SND1: variants seen among roughly 807,000 people sequenced by gnomAD.
SND1 encodes the protein staphylococcal nuclease and tudor domain containing 1, also known as staphylococcal nuclease domain-containing protein 1.
Under a neutral mutation model 121.7 loss-of-function variants are expected in SND1, and 38 were observed. The ratio of observed to expected loss-of-function variants is 0.31; its 90% CI spans 0.24 to 0.41. The LOEUF (loss-of-function observed/expected upper bound fraction) is 0.41, where lower values mean the gene tolerates loss of function less well. SND1 is among the 10% of genes least tolerant of loss of function. The pLI is 1.00. For synonymous variants in SND1, 401 were observed against 447.4 expected (o/e 0.90, Z 1.31); for missense variants, 868 against 1,184.6 (o/e 0.73, Z 3.92).
chr7:127,732,289 G>GT (rs1433923826), intron 10 of SND1, among the ~76,000 whole-genome samples: 2 of 152,234 alleles, frequency 1.3e-5, no homozygotes, highest in African/African-American at 4.8e-5. Context: ...ATGCCACACT[G>GT]TGGTTCCTTC....
At chr7:127,727,545 A>G (rs1306623777) in intron 10 of SND1, among the ~76,000 whole-genome samples, 2 of 152,174 alleles carry the variant, frequency 1.3e-5, no homozygotes, top group Non-Finnish European at 2.9e-5. Context: ...GGAGCAGGCC[A>G]GTAAACCCAC....
At chr7:128,042,052 G>GC (rs1229042008) in intron 16 of SND1, among the ~76,000 whole-genome samples, 1 of 152,128 alleles carries the variant, frequency 6.6e-6, no homozygotes, top group African/African-American at 2.4e-5. Flanking sequence ...CTAGACACTG[G>GC]CAGCCTGGCT....
At chr7:127,729,439 C>CTTT (rs10712716) in intron 10 of SND1, among the ~76,000 whole-genome samples, 12 of 97,348 alleles carry the variant, frequency 1.2e-4, no homozygotes, top group African/African-American at 3.8e-4. Flanking sequence ...AGATAAATTA[C>CTTT]TTTTTTTTTT....
chr7:127,875,073 C>G (rs1799664633), intron 12 of SND1, among the ~76,000 whole-genome samples: 1 of 152,070 alleles, frequency 6.6e-6, no homozygotes, highest in South Asian at 2.1e-4. Context: ...TAAAAAATTT[C>G]CTTGGTTTCT....
chr7:127,711,428 G>C (rs1796295120), intron 9 of SND1, among the ~76,000 whole-genome samples: 1 of 152,112 alleles, frequency 6.6e-6, no homozygotes, highest in Non-Finnish European at 1.5e-5. Flanking sequence ...TCACTCCACT[G>C]TCAGTAGTTA....
intron 16 of SND1, among the ~76,000 whole-genome samples, chr7:128,064,765 G>C (rs930010602): frequency 6.6e-6 from 1 of 152,138 alleles, no homozygotes; most frequent in South Asian, 2.1e-4. Flanking sequence ...TGTTGGGGAA[G>C]AATTCACAAT....
Position 128,015,321 on chromosome 7 carries a change from C to G in SND1, c.1779+24265C>G, listed in dbSNP as rs937071610. 6.6e-6 allele frequency among the ~76,000 whole-genome samples: 1 copy of G among 152,204 alleles called. No homozygotes were observed. The highest frequency in any genetic ancestry group is 2.4e-5 in the African/African-American group (1 of 41,446). On this transcript the variant is annotated intron_variant, in intron 16 of 23. Coordinates refer to ENST00000354725, the MANE Select transcript of SND1 (RefSeq NM_014390.4). The surrounding 1 kb of genome is among the most constrained non-coding windows in gnomAD (Gnocchi z 4.5). ...GGGTGACATGATAAAAAGAATTTATCTGAAACTCATAGAACAGGGCAAGGT... is the reference window on the plus strand; with the variant it reads ...GGGTGACATGATAAAAAGAATTTATGTGAAACTCATAGAACAGGGCAAGGT...
chr7:128,022,204 CAAAAAAAAAA>C (rs58371490), intron 16 of SND1, among the ~76,000 whole-genome samples: 963 of 74,148 alleles, frequency 0.013, 14 homozygotes, highest in African/African-American at 0.039. Flanking sequence ...GACTCTCTCT[CAAAAAAAAAA>C]AAAAAAAAAA....
In SND1 at chr7:127,775,269, A is replaced by G. The variant is rs148060389; in HGVS notation, c.1153-32215A>G. Reference sequence around the variant, plus strand: ...TTCTGGCTCTGAACTGTGAAAGAATAAATTCCTATTGTTTTAAGCTAGAGA... The same window carrying G: ...TTCTGGCTCTGAACTGTGAAAGAATGAATTCCTATTGTTTTAAGCTAGAGA... On this transcript the variant is annotated intron_variant, in intron 10 of 23. Transcript: ENST00000354725. Among the ~76,000 whole-genome samples, 4 of 152,282 alleles carry G rather than the reference A, an allele frequency of 2.6e-5. No individual in the cohort carries two copies. The East Asian group carries it at 7.7e-4, about 29-fold the overall frequency.
chr7:127,916,030 G>T (rs940982788), intron 14 of SND1, among the ~76,000 whole-genome samples: 1 of 136,728 alleles, frequency 7.3e-6, no homozygotes, highest in African/African-American at 2.9e-5. Context: ...GTGTGTGTGT[G>T]TGTTTATGTG....
chr7:127,728,052 T>G (rs1796613498), intron 10 of SND1, among the ~76,000 whole-genome samples: 4 of 152,218 alleles, frequency 2.6e-5, no homozygotes, highest in Admixed American at 2.6e-4. Flanking sequence ...GATAGCAGAC[T>G]TTGCTGAAGT....
intron 15 of SND1, among the ~76,000 whole-genome samples, chr7:127,956,943 G>A (rs1027937730): frequency 2.6e-5 from 4 of 152,104 alleles, no homozygotes; most frequent in African/African-American, 9.7e-5. Context: ...TTCAGTCCCT[G>A]TCATATCCTC....
At chr7:127,783,291 G>T (rs1460015534) in intron 10 of SND1, among the ~76,000 whole-genome samples, 1 of 152,174 alleles carries the variant, frequency 6.6e-6, no homozygotes, top group Non-Finnish European at 1.5e-5. Context: ...ACCTCAGCCT[G>T]TTTTGATTTT....
intron 16 of SND1, among the ~76,000 whole-genome samples, chr7:128,067,637 T>C (rs1010519762): frequency 1.3e-5 from 2 of 152,158 alleles, no homozygotes; most frequent in Non-Finnish European, 2.9e-5. Flanking sequence ...ACAACTGTTT[T>C]CAGGCAACCT....
intron 11 of SND1, among the ~76,000 whole-genome samples, chr7:127,838,003 C>T (rs1171228914): frequency 6.6e-6 from 1 of 152,156 alleles, no homozygotes; most frequent in Non-Finnish European, 1.5e-5. Flanking sequence ...TGTTGTTCCC[C>T]TGTTGGCTAG....
intron 11 of SND1, among the ~76,000 whole-genome samples, chr7:127,829,994 C>T (rs553602918): frequency 1.4e-4 from 21 of 152,240 alleles, no homozygotes; most frequent in Admixed American, 2.6e-4. Flanking sequence ...AACTGGTACA[C>T]CTTAAAATGA....
In SND1 at chr7:127,652,366, C is replaced by G. The variant is rs1017189596; in HGVS notation, c.-8C>G. ...GCCGCTCCACTCGTTGCCTTTGCATCTCCACACATGGCGTCCTCCGCGCAG... is the reference window on the plus strand; with the variant it reads ...GCCGCTCCACTCGTTGCCTTTGCATGTCCACACATGGCGTCCTCCGCGCAG... On this transcript the variant is annotated 5_prime_UTR_variant, in exon 1 of 24. In the 5' UTR this introduces an upstream ATG that the reference lacks. Coordinates refer to ENST00000354725, the MANE Select transcript of SND1 (RefSeq NM_014390.4). The G allele has an allele frequency of 6.3e-7, 1 of 1,593,598 alleles. No homozygotes were observed. The highest frequency in any genetic ancestry group is 8.5e-7 in the Non-Finnish European group (1 of 1,170,516).
At chr7:128,084,960 C>G in intron 19 of SND1, 113 bp downstream of exon 19, 1 of 1,087,992 alleles carries the variant, frequency 9.2e-7, no homozygotes, top group East Asian at 2.9e-5. Context: ...TTAATGATGG[C>G]CCCTAGCAGC....
chr7:127,922,187 T>TTTTG (rs1800725335), intron 14 of SND1, among the ~76,000 whole-genome samples: 2 of 94,660 alleles, frequency 2.1e-5, no homozygotes, highest in African/African-American at 7.1e-5. Flanking sequence ...TTTTTTTTTT[T>TTTTG]TTTTTTTTTT....
Sources: gnomAD v4.1 joint callset for allele counts (sites outside exome capture counted in the v4.1 genomes callset) on GRCh38, gnomAD v4.1.1 for gene constraint, Gnocchi (gnomAD v3.1) non-coding constraint, MANE v1.5 for transcripts, NCBI Gene and HGNC (gene_info 2026-07-23, HGNC 2026-07-21) for gene names.